ZMYM2: variants seen among roughly 807,000 people sequenced by gnomAD.
ZMYM2 encodes zinc finger MYM-type protein 2.
ZMYM2 carries 56 observed loss-of-function variants against 162.8 expected under a neutral mutation model. The observed-to-expected ratio is 0.34, with a 90% CI of 0.28 to 0.43. ZMYM2 has a LOEUF of 0.43. ZMYM2 is among the 20% of genes least tolerant of loss of function. The pLI is 1.00. For missense variants in ZMYM2, 1,275 were observed against 1,621.8 expected (o/e 0.79, Z 3.67); for synonymous variants, 510 against 541.6 (o/e 0.94, Z 0.81).
chr13:19,941,637 C>T, the ZMYM2 span, among the ~76,000 whole-genome samples: 1 of 150,298 alleles, frequency 6.7e-6, no homozygotes, highest in South Asian at 2.1e-4. Flanking sequence ...TAATCAGATG[C>T]AAGGAATGCC....
chr13:19,906,285 T>A, the ZMYM2 span, among the ~76,000 whole-genome samples: 1 of 2,790 alleles, frequency 3.6e-4, no homozygotes, highest in Admixed American at 2.9e-3. Context: ...CAAAAAAAAG[T>A]ATATATATAT....
intron 14 of ZMYM2, among the ~76,000 whole-genome samples, chr13:20,056,239 G>A (rs1056684368): frequency 3.3e-5 from 5 of 152,164 alleles, no homozygotes; most frequent in African/African-American, 7.2e-5. Context: ...TCCATTGGAG[G>A]TGGGACAAAA....
At chr13:19,994,715 C>G (rs1324280630) in intron 3 of ZMYM2, among the ~76,000 whole-genome samples, 1 of 152,138 alleles carries the variant, frequency 6.6e-6, no homozygotes, top group Non-Finnish European at 1.5e-5. Flanking sequence ...TCTCAAACTC[C>G]TGACCTCAGG....
intron 22 of ZMYM2, 137 bp from the exon 23 acceptor site, chr13:20,082,644 A>G (rs1957985428): frequency 1.3e-6 from 1 of 757,210 alleles, no homozygotes; most frequent in Admixed American, 3.2e-5. Flanking sequence ...AGGTAATTCT[A>G]GAATTATTCT....
the ZMYM2 span, among the ~76,000 whole-genome samples, chr13:19,873,332 A>G: frequency 2.0e-5 from 3 of 151,912 alleles, no homozygotes; most frequent in Non-Finnish European, 2.9e-5. Context: ...CTCTCATGAC[A>G]CTGACAGTTT....
chr13:19,885,992 T>C, the ZMYM2 span, among the ~76,000 whole-genome samples: 1 of 131,248 alleles, frequency 7.6e-6, no homozygotes, highest in Non-Finnish European at 1.7e-5. Flanking sequence ...TATATACACA[T>C]ATATATGTGT....
chr13:19,885,936 CATATATATGTATAT>C, the ZMYM2 span, among the ~76,000 whole-genome samples: 42 of 91,088 alleles, frequency 4.6e-4, 3 homozygotes, highest in Admixed American at 8.7e-4. Flanking sequence ...TGTGTATACA[CATATATATGTATAT>C]ACACATATAT....
the ZMYM2 span, among the ~76,000 whole-genome samples, chr13:19,923,355 GCAAAAAAAA>G: frequency 4.8e-5 from 1 of 20,800 alleles, no homozygotes; most frequent in African/African-American, 2.0e-4. Flanking sequence ...AGACTCCGTC[GCAAAAAAAA>G]AAAAAAAAAA....
At chr13:19,872,658 TC>T in the ZMYM2 span, among the ~76,000 whole-genome samples, 1 of 152,352 alleles carries the variant, frequency 6.6e-6, no homozygotes, top group East Asian at 1.9e-4. Flanking sequence ...GTCTACGCTT[TC>T]ATTCAGATTC....
At chr13:20,015,025 T>C (rs910841451) in intron 6 of ZMYM2, among the ~76,000 whole-genome samples, 26 of 152,114 alleles carry the variant, frequency 1.7e-4, no homozygotes, top group African/African-American at 6.0e-4. Flanking sequence ...CCTTCCAAAG[T>C]GCTGGGATTA....
rs1203714497 is a variant in ZMYM2, at chr13:19,993,250, G to T, written c.178G>T (p.Val60Phe). The change falls in exon 3 of 25, where the codon GTT (valine) becomes TTT (phenylalanine). Residue 60 changes from valine to phenylalanine, a missense_variant. Val to Phe is a conservative substitution (Grantham distance 50). Around this residue, in one of 10 missense-constraint regions of ZMYM2, gnomAD observed 295 missense variants for 286.7 expected, o/e 1.03. Transcript: ENST00000610343. ...CTCGTCAGTGGAAGATGATGATGAT[G>T]TTGTTTTTATCGAACCTGTACAACC... Reference protein sequence around the residue: ...QNSSVEDDDDVVFIEPVQPPP... With the variant: ...QNSSVEDDDDFVFIEPVQPPP... The T allele has an allele frequency of 6.2e-7, 1 of 1,613,850 alleles. No homozygotes were observed. Among genetic ancestry groups the T allele is most frequent in the Non-Finnish European group, 8.5e-7 (1 of 1,179,896 alleles).
chr13:20,084,052 G>A (rs755999382), intron 24 of ZMYM2, among the ~76,000 whole-genome samples: 3 of 152,198 alleles, frequency 2.0e-5, no homozygotes, highest in East Asian at 3.9e-4. Context: ...CTCTCTCACC[G>A]AGGCTGGAGT....
At chr13:19,957,383 T>C (rs1208246248), upstream of ZMYM2, among the ~76,000 whole-genome samples, 1 of 152,222 alleles carries the variant, frequency 6.6e-6, no homozygotes, top group African/African-American at 2.4e-5. Context: ...ATAACCAACA[T>C]CCTCAGTTGT....
intron 9 of ZMYM2, among the ~76,000 whole-genome samples, chr13:20,030,745 G>C (rs1004214189): frequency 7.9e-5 from 12 of 151,980 alleles, no homozygotes; most frequent in African/African-American, 2.9e-4. Context: ...TGTTGACCAG[G>C]CTGGTCTCGA....
intron 3 of ZMYM2, among the ~76,000 whole-genome samples, chr13:19,995,286 A>T (rs1241664129): frequency 6.6e-6 from 1 of 152,242 alleles, no homozygotes; most frequent in African/African-American, 2.4e-5. Flanking sequence ...TTTAATGTCT[A>T]CAACTCGATA....
chr13:20,011,584 T>G (rs946763813), intron 6 of ZMYM2, among the ~76,000 whole-genome samples: 2 of 150,824 alleles, frequency 1.3e-5, no homozygotes, highest in African/African-American at 2.5e-5. Context: ...TTTTATTTTT[T>G]TTTTTTTTGA....
chr13:20,076,409 G>C (rs1957507648), intron 21 of ZMYM2, among the ~76,000 whole-genome samples: 1 of 150,304 alleles, frequency 6.7e-6, no homozygotes, highest in Admixed American at 6.6e-5. Flanking sequence ...GGTATTATTG[G>C]ATCTCAAGAA....
intron 24 of ZMYM2, 128 bp downstream of exon 24, chr13:20,083,904 A>G (rs1958069532): frequency 1.1e-6 from 1 of 910,092 alleles, no homozygotes; most frequent in South Asian, 1.6e-5. Context: ...AGTTATACCC[A>G]AGTTCATTCA....
At chr13:19,871,080 A>T in the ZMYM2 span, among the ~76,000 whole-genome samples, 3 of 151,976 alleles carry the variant, frequency 2.0e-5, no homozygotes, top group African/African-American at 7.3e-5. Flanking sequence ...AAGGAGAAAA[A>T]AAATAAGCAA....
Sources: gnomAD v4.1 joint callset for allele counts (sites outside exome capture counted in the v4.1 genomes callset) on GRCh38, gnomAD v4.1.1 for gene constraint, gnomAD v4.1.1 regional missense constraint, MANE v1.5 for transcripts, NCBI Gene and HGNC (gene_info 2026-07-23, HGNC 2026-07-21) for gene names.